The following ZFP64 variants were observed in gnomAD, a reference collection of about 807,000 sequenced individuals.
ZFP64 encodes ZFP64 zinc finger protein.
Under a neutral mutation model 51.6 loss-of-function variants are expected in ZFP64, and 14 were observed. That is an observed-to-expected ratio of 0.27 (90% CI 0.18 to 0.42). The LOEUF (loss-of-function observed/expected upper bound fraction) is 0.42. Ranked by LOEUF, ZFP64 falls within the 10% of genes least tolerant of loss-of-function variation. The pLI is 1.00. For synonymous variants in ZFP64, 375 were observed against 361.4 expected (o/e 1.04, Z -0.43); for missense variants, 754 against 906.8 (o/e 0.83, Z 2.16).
At position 52,115,729 on chromosome 20, in the gene ZFP64, C is replaced by T. The variant is rs543680659; in HGVS notation, c.764-17142G>A. On this transcript the variant is annotated intron_variant, in intron 5 of 8. Coordinates refer to the ZFP64 transcript ENST00000361387. Reference sequence around the variant, plus strand: ...AGCACCCAGCCTGTACTGGCTACATCTTAAGCAAGAAAAGGGGAGAAGTTT... The same window carrying T: ...AGCACCCAGCCTGTACTGGCTACATTTTAAGCAAGAAAAGGGGAGAAGTTT... Among the ~76,000 whole-genome samples, 24 of 151,650 alleles carry T rather than the reference C, an allele frequency of 1.6e-4. 1 individual carries two copies. In the East Asian group the frequency reaches 3.7e-3, roughly 24 times the overall value.
At chr20:52,084,301 C>T (rs1018996608) in exon 9 of ZFP64, 9 of 503,392 alleles carry the variant, frequency 1.8e-5, no homozygotes, top group African/African-American at 1.7e-4. Context: ...TGGCAGACCC[C>T]GCCTTTGAAT....
chr20:52,098,306 T>C (rs933171886), intron 6 of ZFP64: 1 of 1,276,860 alleles, frequency 7.8e-7, no homozygotes, highest in Admixed American at 2.3e-5. Flanking sequence ...AAGGCTGTTG[T>C]GTGCTGATGT....
At chr20:52,122,277 C>T (rs1478533051) in intron 5 of ZFP64, among the ~76,000 whole-genome samples, 2 of 152,034 alleles carry the variant, frequency 1.3e-5, no homozygotes, top group Non-Finnish European at 2.9e-5. Context: ...GAGGCCGAGG[C>T]GGGTGGATCA....
At position 52,182,747 on chromosome 20, in the gene ZFP64, A is replaced by C. The variant is rs3787175; in HGVS notation, c.286+4085T>G. 3.2e-4 allele frequency among the ~76,000 whole-genome samples: 48 copies of C among 152,112 alleles called. No homozygotes were observed. The East Asian group carries it at 8.3e-3, about 26-fold the overall frequency. On this transcript the variant is annotated intron_variant, in intron 2 of 5. Transcript: ENST00000216923. ...AAACAAAACAAAGAAACAAGCAAAA[A>C]AACTAGGAGGACAAAAAAGGGAGCC...
At chr20:52,176,156 C>T (rs1309439447) in intron 2 of ZFP64, 1 of 165,806 alleles carries the variant, frequency 6.0e-6, no homozygotes, top group Non-Finnish European at 1.2e-5. Flanking sequence ...AAAGTCCCAA[C>T]TATGACCCAG....
At position 52,098,509 on chromosome 20, in the gene ZFP64, A is replaced by G. The variant is rs1319893161; in HGVS notation, c.842T>C (p.Ile281Thr). The G allele has an allele frequency of 9.3e-6, 15 of 1,614,154 alleles. No individual in the cohort carries two copies. In the Admixed American group the frequency reaches 1.7e-4, roughly 18 times the overall value. The change falls in exon 6 of 9, where the codon ATC becomes ACC. Residue 281 changes from isoleucine to threonine, a missense_variant. Physicochemically the swap from Ile to Thr is moderately conservative, Grantham distance 89 (BLOSUM62 -1). Coordinates refer to the ZFP64 transcript ENST00000361387. ...TTCCCTTGCCTCTGAGGGAAGAGTG[A>G]TGACAGGGGCCTTCGGAGTGTCAGT...
Position 52,153,357 on chromosome 20 carries a change from G to A in ZFP64, c.835C>T (p.Arg279Trp). 1.2e-6 allele frequency: 2 copies of A among 1,614,186 alleles called. No individual in the cohort carries two copies. The highest frequency in any genetic ancestry group is 1.7e-6 in the Non-Finnish European group (2 of 1,180,030). ...AAAGGCTTCTCCCCCGAGTGCACCC[G>A]CATGTGCCTTTTCAAGTCCGAGCTG... ...KISSDLKRHMRVHSGEKPFKC... is the reference protein window; with the variant it reads ...KISSDLKRHMWVHSGEKPFKC... Residue 279 changes from arginine (R) to tryptophan (W), a missense_variant, in exon 6 of 6, where the codon CGG (arginine) becomes TGG (tryptophan). This residue lies in a region of ZFP64 where 231 missense variants were observed against 336.7 expected (regional missense o/e 0.69). Transcript: ENST00000216923. This position sits in a 1 kb window ranked among gnomAD's most constrained non-coding sequence, Gnocchi z 5.1.
chr20:52,113,547 C>T (rs1332482458), intron 5 of ZFP64, among the ~76,000 whole-genome samples: 1 of 149,790 alleles, frequency 6.7e-6, no homozygotes, highest in Non-Finnish European at 1.5e-5. Context: ...CCTGCCCCAG[C>T]CTCCCAAGTA....
intron 5 of ZFP64, among the ~76,000 whole-genome samples, chr20:52,138,277 G>T (rs1980081979): frequency 1.3e-5 from 2 of 151,610 alleles, no homozygotes; most frequent in African/African-American, 4.8e-5. Flanking sequence ...TCTAGAGATA[G>T]GAAATAAAGT....
chr20:52,170,875 A>G (rs1437301191), intron 2 of ZFP64, among the ~76,000 whole-genome samples: 2 of 152,140 alleles, frequency 1.3e-5, no homozygotes, highest in Non-Finnish European at 2.9e-5. Flanking sequence ...GGTGCATGCA[A>G]TAAGTATTTA....
At position 52,191,598 on chromosome 20, in the gene ZFP64, C is replaced by G. The variant is rs139412794; in HGVS notation, c.39G>C (p.Ser13=). Residue 13 remains serine, a synonymous_variant, in exon 1 of 6, where the codon TCG becomes TCC. Coordinates refer to ENST00000216923, the MANE Select transcript of ZFP64 (RefSeq NM_018197.3). This position sits in a 1 kb window ranked among gnomAD's most constrained non-coding sequence, Gnocchi z 4.3. ...ASSEGESFAG[S]VQIPGGTTVL... is the part of the protein sequence containing the mutation. ...TCCCGGAAAAGCACTTACTTTGCAC[C>G]GAGCCCGCGAAGCTCTCGCCCTCGC... 177 of 1,589,266 alleles carry G rather than the reference C, an allele frequency of 1.1e-4. 2 individuals carry two copies. Among genetic ancestry groups the G allele is most frequent in the Middle Eastern group, 8.3e-4 (5 of 6,002 alleles).
At chr20:52,156,811 G>A (rs974516042) in intron 5 of ZFP64, among the ~76,000 whole-genome samples, 8 of 152,180 alleles carry the variant, frequency 5.3e-5, no homozygotes, top group South Asian at 2.1e-4. Flanking sequence ...ACTGTCACTC[G>A]TGGTAGCTTA....
intron 5 of ZFP64, among the ~76,000 whole-genome samples, chr20:52,100,372 G>A (rs1485293742): frequency 1.3e-5 from 2 of 151,996 alleles, no homozygotes; most frequent in East Asian, 3.9e-4. Context: ...CAGACTCCCA[G>A]GTAGCTGGGA....
intron 5 of ZFP64, among the ~76,000 whole-genome samples, chr20:52,103,516 G>A (rs541453131): frequency 2.6e-5 from 4 of 152,190 alleles, no homozygotes; most frequent in Admixed American, 1.3e-4. Context: ...ACTCCAGGAC[G>A]CACGACACCC....
At chr20:52,103,925 G>C (rs924381737) in intron 5 of ZFP64, among the ~76,000 whole-genome samples, 1 of 152,180 alleles carries the variant, frequency 6.6e-6, no homozygotes, top group African/African-American at 2.4e-5. Context: ...GGGAAGTTGT[G>C]GTCAAAACCC....
chr20:52,151,250 T>C, downstream of ZFP64: 2 of 985,442 alleles, frequency 2.0e-6, no homozygotes, highest in Non-Finnish European at 2.4e-6. Flanking sequence ...AAATCCCACC[T>C]TGGCTCTAAA....
intron 2 of ZFP64, among the ~76,000 whole-genome samples, chr20:52,172,204 GGTGTGTGTGTGTGTGTTTGTGTGT>G (rs202165673): frequency 6.7e-6 from 1 of 150,138 alleles, no homozygotes; most frequent in Non-Finnish European, 1.5e-5. Flanking sequence ...TGTGTGTGTT[GGTGTGTGTGTGTGTGTTTGTGTGT>G]GTGTGTGTGT....
chr20:52,153,019 C>T lies in ZFP64; in HGVS notation c.1173G>A (p.Lys391=), dbSNP rs1460373277. 21 of 1,613,964 alleles carry T rather than the reference C, an allele frequency of 1.3e-5. No individual in the cohort carries two copies. The highest frequency in any genetic ancestry group is 1.7e-5 in the Non-Finnish European group (20 of 1,180,046). Residue 391 remains lysine, a synonymous_variant, in exon 6 of 6, where the codon AAG becomes AAA. Coordinates refer to ENST00000216923, the MANE Select transcript of ZFP64 (RefSeq NM_018197.3). This position sits in a 1 kb window ranked among gnomAD's most constrained non-coding sequence, Gnocchi z 5.1. ...KQPSNLSKHM[K]KFHGDMVKTE... Reference sequence around the variant, plus strand: ...TCTTAACCATGTCCCCATGGAACTTCTTCATGTGCTTGCTCAGGTTGCTGG... The same window carrying T: ...TCTTAACCATGTCCCCATGGAACTTTTTCATGTGCTTGCTCAGGTTGCTGG...
chr20:52,150,547 T>C (rs941699820), downstream of ZFP64, among the ~76,000 whole-genome samples: 5 of 144,938 alleles, frequency 3.4e-5, no homozygotes, highest in Non-Finnish European at 7.7e-5. Context: ...TTCTGTTTCT[T>C]ACCAAAAACA....
Sources: allele counts gnomAD v4.1 joint callset (sites outside exome capture counted in the v4.1 genomes callset), GRCh38; gene constraint gnomAD v4.1.1; regional missense constraint gnomAD v4.1.1; non-coding constraint Gnocchi (gnomAD v3.1); transcripts MANE v1.5; gene names NCBI Gene and HGNC (gene_info 2026-07-23, HGNC 2026-07-21).